ECT2L: variants seen among roughly 807,000 people sequenced by gnomAD.
ECT2L encodes the protein epithelial cell transforming 2 like.
In ECT2L, 126 loss-of-function variants were observed where a neutral mutation model predicts 122.8. That is an observed-to-expected ratio of 1.03 (90% confidence interval 0.89 to 1.19). ECT2L has a LOEUF of 1.19. ECT2L is among the 50% of genes most tolerant of loss of function. ECT2L has a pLI of 0.00. For synonymous variants in ECT2L, 385 were observed against 381.8 expected, an observed-to-expected ratio of 1.01 and a Z score of -0.10; for missense variants, 1,012 against 1,064.1, an observed-to-expected ratio of 0.95 and a Z score of 0.68.
chr6:138,859,120 G>A (rs1290340261), intron 10 of ECT2L, among the ~76,000 whole-genome samples: 2 of 152,146 alleles, frequency 1.3e-5, no homozygotes, highest in Non-Finnish European at 2.9e-5. Context: ...TATATGTGCT[G>A]CCAAAGCAAG....
chr6:138,816,731 T>C (rs4896407), intron 4 of ECT2L, among the ~76,000 whole-genome samples: 58,030 of 152,044 alleles, frequency 0.38, 11,414 homozygotes, highest in South Asian at 0.6. Flanking sequence ...ATGATCTGCC[T>C]GCCTCGGCCT....
At chr6:138,856,466 G>C (rs934103818) in intron 10 of ECT2L, among the ~76,000 whole-genome samples, 6 of 152,014 alleles carry the variant, frequency 3.9e-5, no homozygotes, top group African/African-American at 1.2e-4. Flanking sequence ...GCCCACCTCA[G>C]CCTCCCAAAG....
rs560947693 is a variant in ECT2L at position 138,902,699 on chromosome 6, A to G, written c.*72A>G. On this transcript the variant is annotated 3_prime_UTR_variant, in exon 22 of 22. Transcript: ENST00000541398. Reference sequence around the variant, plus strand: ...CAGACAACATGTATTTTCTGTTCCAAAATATCCAGTAAGAAACAGAATAAC... The same window carrying G: ...CAGACAACATGTATTTTCTGTTCCAGAATATCCAGTAAGAAACAGAATAAC... 1.0e-5 allele frequency: 16 copies of G among 1,551,758 alleles called. No individual in the cohort carries two copies. In the Admixed American group the frequency reaches 2.5e-4, roughly 24 times the overall value.
At chr6:138,856,182 T>C (rs549471954) in intron 10 of ECT2L, among the ~76,000 whole-genome samples, 1 of 135,004 alleles carries the variant, frequency 7.4e-6, no homozygotes, top group South Asian at 2.5e-4. Flanking sequence ...TCAAATCATG[T>C]ACTCAAATAC....
chr6:138,858,382 T>C (rs1304270657), intron 10 of ECT2L, among the ~76,000 whole-genome samples: 1 of 152,176 alleles, frequency 6.6e-6, no homozygotes, highest in East Asian at 1.9e-4. Context: ...CAACAGTTAC[T>C]GCATAAGCCA....
chr6:138,882,763 G>A lies in ECT2L; in HGVS notation c.1920G>A (p.Trp640Ter), dbSNP rs1425127779. Residue 640 changes from tryptophan to a stop codon, truncating the protein, a stop_gained, in exon 16 of 22, where the codon TGG (tryptophan) becomes TGA (stop). Transcript: ENST00000541398. LOFTEE classifies it high-confidence loss of function. ...LDNLRDRLQE[W>*]GPAHCVGEIV... ...ACCTGAGAGACAGACTGCAGGAATG[G>A]GGCCCAGCTCACTGTGTGGGAGAAA... 8 of 1,614,156 alleles carry A rather than the reference G, an allele frequency of 5.0e-6. No homozygotes were observed. Among genetic ancestry groups the A allele is most frequent in the South Asian group, 1.1e-5 (1 of 91,086 alleles).
At chr6:138,890,487 T>C (rs934807571) in intron 20 of ECT2L, among the ~76,000 whole-genome samples, 1 of 134,338 alleles carries the variant, frequency 7.4e-6, no homozygotes, top group African/African-American at 2.7e-5. Flanking sequence ...TTTGTTTTCT[T>C]TGATCTTTTT....
At chr6:138,875,131 A>G (rs1278154675) in intron 13 of ECT2L, among the ~76,000 whole-genome samples, 4 of 152,214 alleles carry the variant, frequency 2.6e-5, no homozygotes, top group South Asian at 2.1e-4. Flanking sequence ...GCTCCAAGCC[A>G]TAAGTATGGA....
intron 19 of ECT2L, among the ~76,000 whole-genome samples, chr6:138,888,257 A>C (rs1047908790): frequency 1.3e-5 from 2 of 151,960 alleles, no homozygotes; most frequent in African/African-American, 4.8e-5. Flanking sequence ...CCCCATGACT[A>C]GATCAATATA....
intron 9 of ECT2L, among the ~76,000 whole-genome samples, chr6:138,850,677 G>A (rs969082236): frequency 1.3e-5 from 2 of 152,142 alleles, no homozygotes; most frequent in African/African-American, 4.8e-5. Flanking sequence ...TGGGATTGAT[G>A]GATTATATGA....
intron 7 of ECT2L, among the ~76,000 whole-genome samples, chr6:138,846,064 C>T (rs1164406995): frequency 6.6e-6 from 1 of 152,102 alleles, no homozygotes; most frequent in Admixed American, 6.5e-5. Flanking sequence ...GAACAAGACC[C>T]TGTCACTTAA....
intron 21 of ECT2L, among the ~76,000 whole-genome samples, chr6:138,901,930 G>T (rs983867170): frequency 6.6e-6 from 1 of 152,202 alleles, no homozygotes; most frequent in Admixed American, 6.5e-5. Context: ...CCTGAGAAAA[G>T]AATGAGTATT....
intron 1 of ECT2L, among the ~76,000 whole-genome samples, chr6:138,800,627 A>G (rs1775511082): frequency 6.6e-6 from 1 of 152,222 alleles, no homozygotes. Flanking sequence ...ATAATGATGG[A>G]AATTGCTAGT....
intron 4 of ECT2L, among the ~76,000 whole-genome samples, chr6:138,834,767 T>C (rs1298084944): frequency 1.3e-5 from 2 of 152,090 alleles, no homozygotes; most frequent in African/African-American, 2.4e-5. Context: ...TGAATGTTAA[T>C]CTCTAAGGAA....
At chr6:138,821,384 G>A (rs770334107) in intron 4 of ECT2L, among the ~76,000 whole-genome samples, 1 of 152,040 alleles carries the variant, frequency 6.6e-6, no homozygotes, top group Non-Finnish European at 1.5e-5. Flanking sequence ...TTCTTCCTGC[G>A]CCTCTGTTCT....
At chr6:138,863,673 G>A (rs1254578823) in intron 11 of ECT2L, among the ~76,000 whole-genome samples, 2 of 151,170 alleles carry the variant, frequency 1.3e-5, no homozygotes, top group African/African-American at 2.4e-5. Context: ...GCAGCGGCAC[G>A]TTCTCGATCT....
intron 5 of ECT2L, among the ~76,000 whole-genome samples, chr6:138,842,161 TA>T (rs1487086534): frequency 3.9e-5 from 6 of 152,188 alleles, no homozygotes; most frequent in Non-Finnish European, 7.3e-5. Flanking sequence ...TAATAGCATT[TA>T]AAAACGTTAT....
intron 1 of ECT2L, among the ~76,000 whole-genome samples, chr6:138,801,930 T>A (rs1775558210): frequency 6.6e-6 from 1 of 152,202 alleles, no homozygotes; most frequent in African/African-American, 2.4e-5. Context: ...AATCTGGTGG[T>A]GGGCCAGATG....
At chr6:138,885,953 C>T (rs1778807800) in intron 18 of ECT2L, 123 bp downstream of exon 18, 2 of 931,584 alleles carry the variant, frequency 2.1e-6, no homozygotes, top group Non-Finnish European at 3.2e-6. Context: ...GTCTTTCATC[C>T]TTTTAATGCT....
Sources: gnomAD v4.1 joint callset for allele counts (sites outside exome capture counted in the v4.1 genomes callset) on GRCh38, gnomAD v4.1.1 for gene constraint, MANE v1.5 for transcripts, NCBI Gene and HGNC (gene_info 2026-07-23, HGNC 2026-07-21) for gene names.